The following FRMPD1 variants were observed in gnomAD, a reference collection of about 807,000 sequenced individuals.
The protein encoded by FRMPD1 is FERM and PDZ domain containing 1.
FRMPD1 carries 76 observed loss-of-function variants against 117.8 expected under a neutral mutation model. The observed-to-expected ratio is 0.65, with a 90% CI of 0.54 to 0.78. FRMPD1 has a LOEUF of 0.78. Ranked by LOEUF, FRMPD1 falls within the 30% of genes least tolerant of loss-of-function variation. The probability of loss-of-function intolerance (pLI) is 0.00; values close to 1 mark genes in which losing one functional copy is unlikely to be tolerated. For synonymous variants in FRMPD1, 783 were observed against 770.4 expected, an observed-to-expected ratio of 1.02 and a Z score of -0.27; for missense variants, 1,786 against 1,964.5, an observed-to-expected ratio of 0.91 and a Z score of 1.72.
intron 2 of FRMPD1, among the ~76,000 whole-genome samples, chr9:37,706,721 G>C (rs970757371): frequency 6.6e-6 from 1 of 152,176 alleles, no homozygotes; most frequent in African/African-American, 2.4e-5. Context: ...AAACCTTGCA[G>C]TTACAAAGCT....
the FRMPD1 span, among the ~76,000 whole-genome samples, chr9:37,608,299 A>G: frequency 9.0e-3 from 1,370 of 152,178 alleles, 17 homozygotes; most frequent in African/African-American, 0.031. Flanking sequence ...TGCATGCCCA[A>G]CTCTTCAAAG....
Position 37,745,695 on chromosome 9 carries a change from C to G in FRMPD1, c.3663C>G (p.Val1221=). The change falls in exon 16 of 16, where the codon GTC becomes GTG. Residue 1221 remains valine, a synonymous_variant. Coordinates refer to ENST00000377765, the MANE Select transcript of FRMPD1 (RefSeq NM_014907.3). The stretch of plus-strand genomic sequence containing the variant: ...GGAAGCAGACAGTTTCACCAGCCGT[C>G]CCTCCAGAGGGGATCAAGGCAGAGG... ...FLGKQTVSPA[V]PPEGIKAEAP... 1 of 1,614,104 alleles carries G rather than the reference C, an allele frequency of 6.2e-7. No individual in the cohort carries two copies. The highest frequency in any genetic ancestry group is 8.5e-7 in the Non-Finnish European group (1 of 1,179,978).
chr9:37,605,689 T>C, the FRMPD1 span, among the ~76,000 whole-genome samples: 2 of 148,494 alleles, frequency 1.3e-5, no homozygotes, highest in Non-Finnish European at 3.0e-5. Flanking sequence ...GAATTTTATT[T>C]ATTTATTTAT....
the FRMPD1 span, among the ~76,000 whole-genome samples, chr9:37,626,537 G>A: frequency 6.8e-6 from 1 of 146,902 alleles, no homozygotes. Flanking sequence ...TGAAGGGCTG[G>A]GCACTTTGGG....
intron 5 of FRMPD1, among the ~76,000 whole-genome samples, chr9:37,715,866 T>C (rs867289276): frequency 6.6e-6 from 1 of 152,174 alleles, no homozygotes; most frequent in Admixed American, 6.6e-5. Context: ...AGAACGGCCC[T>C]TCTTCCCTGT....
chr9:37,738,612 T>A (rs1385978101), intron 14 of FRMPD1, among the ~76,000 whole-genome samples: 1 of 152,178 alleles, frequency 6.6e-6, no homozygotes, highest in Non-Finnish European at 1.5e-5. Flanking sequence ...GTGCTGAGAT[T>A]ACAGGCATGA....
intron 10 of FRMPD1, 98 bp downstream of exon 10, chr9:37,732,538 C>T: frequency 8.5e-7 from 1 of 1,169,898 alleles, no homozygotes; most frequent in East Asian, 2.5e-5. Flanking sequence ...CACCCACCTA[C>T]CCATCTGTCT....
chr9:37,670,229 A>G (rs1312596919), intron 1 of FRMPD1: 2 of 152,118 alleles, frequency 1.3e-5, no homozygotes, highest in Admixed American at 6.6e-5. Context: ...TTGTATTTGC[A>G]TGGCTCATGT....
the FRMPD1 span, among the ~76,000 whole-genome samples, chr9:37,616,117 CTTTTTTT>C: frequency 9.2e-3 from 889 of 96,768 alleles, 7 homozygotes; most frequent in African/African-American, 0.034. Context: ...GTGCCCAGCC[CTTTTTTT>C]TTTTTTTTTT....
At chr9:37,667,729 T>C (rs145033768) in intron 1 of FRMPD1, among the ~76,000 whole-genome samples, 185 of 152,172 alleles carry the variant, frequency 1.2e-3, no homozygotes, top group Admixed American at 7.7e-3. Flanking sequence ...CTTATTTCTT[T>C]TTCAACCTCT....
upstream of FRMPD1, among the ~76,000 whole-genome samples, chr9:37,647,212 G>A (rs552579788): frequency 9.2e-5 from 14 of 152,092 alleles, no homozygotes; most frequent in Middle Eastern, 6.8e-3. Flanking sequence ...CAAAAACAGA[G>A]ATTGAAAGTA....
At chr9:37,617,842 A>T in the FRMPD1 span, among the ~76,000 whole-genome samples, 1 of 152,144 alleles carries the variant, frequency 6.6e-6, no homozygotes, top group Admixed American at 6.5e-5. Context: ...GCCTGCCTAA[A>T]GTGACTCTGA....
chr9:37,743,023 C>T (rs986394752), intron 15 of FRMPD1, among the ~76,000 whole-genome samples: 1 of 152,216 alleles, frequency 6.6e-6, no homozygotes, highest in African/African-American at 2.4e-5. Context: ...AGCATACAGC[C>T]AGGTTAGAAA....
At chr9:37,736,808 A>G (rs1372048139) in intron 13 of FRMPD1, among the ~76,000 whole-genome samples, 1 of 151,856 alleles carries the variant, frequency 6.6e-6, no homozygotes, top group Non-Finnish European at 1.5e-5. Context: ...CACTGTATAG[A>G]TTGGGTGGGA....
chr9:37,640,169 A>G, the FRMPD1 span, among the ~76,000 whole-genome samples: 1 of 152,208 alleles, frequency 6.6e-6, no homozygotes, highest in African/African-American at 2.4e-5. Context: ...ATGAAGGTCA[A>G]ATGAGATATT....
the FRMPD1 span, among the ~76,000 whole-genome samples, chr9:37,630,719 C>A: frequency 6.6e-6 from 1 of 152,150 alleles, no homozygotes; most frequent in Admixed American, 6.5e-5. Context: ...TTTCTTATGA[C>A]CCCTGTGTCT....
intron 1 of FRMPD1, among the ~76,000 whole-genome samples, chr9:37,664,581 T>C (rs1346711424): frequency 2.6e-5 from 4 of 152,174 alleles, no homozygotes; most frequent in African/African-American, 7.2e-5. Context: ...TTTGGTTTTC[T>C]GTTCCTGTGT....
rs541185592 is a variant in FRMPD1 at position 37,708,281 on chromosome 9, G to A, written c.260-118G>A. The A allele has an allele frequency of 4.1e-5, 27 of 662,566 alleles. No individual in the cohort carries two copies. In the South Asian group the frequency reaches 4.2e-4, roughly 10 times the overall value. The allele number at this position is 662,566 out of a possible 1,614,324, so 41.0% of individuals were successfully genotyped here. On this transcript the variant is annotated intron_variant, in intron 3 of 15. Coordinates refer to ENST00000377765, the MANE Select transcript of FRMPD1 (RefSeq NM_014907.3). ...TGAGCCCAAGCCTGACTGAAGGCGGGGGAGTGAGCCAGTGCCCCTGGGAAC... is the reference window on the plus strand; with the variant it reads ...TGAGCCCAAGCCTGACTGAAGGCGGAGGAGTGAGCCAGTGCCCCTGGGAAC...
chr9:37,613,272 A>G, the FRMPD1 span, among the ~76,000 whole-genome samples: 7 of 152,186 alleles, frequency 4.6e-5, no homozygotes, highest in South Asian at 1.5e-3. Flanking sequence ...AGCACCTACT[A>G]TGTATGTGAC....
Sources: gnomAD v4.1 joint callset for allele counts (sites outside exome capture counted in the v4.1 genomes callset) on GRCh38, gnomAD v4.1.1 for gene constraint, MANE v1.5 for transcripts, NCBI Gene and HGNC (gene_info 2026-07-23, HGNC 2026-07-21) for gene names.